Variants in SNRK observed in about 807,000 individuals in gnomAD.
SNRK encodes the protein SNF related kinase.
A neutral mutation model predicts 48.2 loss-of-function variants in SNRK; 3 were observed. The ratio of observed to expected loss-of-function variants is 0.06; its 90% CI spans 0.03 to 0.16. SNRK has a LOEUF of 0.16. Among genes scored for constraint, SNRK ranks in the 10% least tolerant of loss-of-function variants. SNRK has a pLI of 1.00. For synonymous variants in SNRK, 376 were observed against 366.1 expected (o/e 1.03, Z -0.31); for missense variants, 627 against 976.0 (o/e 0.64, Z 4.76).
chr3:43,333,020 A>G (rs2091158454), intron 4 of SNRK: 2 of 152,142 alleles, frequency 1.3e-5, no homozygotes, highest in African/African-American at 4.8e-5. Context: ...CTGTAGAAAC[A>G]GAGTTTTGAG....
chr3:43,299,136 G>T (rs907405208), intron 1 of SNRK, among the ~76,000 whole-genome samples: 1 of 152,122 alleles, frequency 6.6e-6, no homozygotes, highest in Non-Finnish European at 1.5e-5. Context: ...TTCGGGGCCT[G>T]TTGCAAGAGG....
intron 3 of SNRK, among the ~76,000 whole-genome samples, chr3:43,323,419 A>G (rs2091070590): frequency 6.6e-6 from 1 of 152,250 alleles, no homozygotes; most frequent in Non-Finnish European, 1.5e-5. Flanking sequence ...AACCACACCT[A>G]TTAGAATAGC....
intron 5 of SNRK, among the ~76,000 whole-genome samples, chr3:43,341,268 A>C (rs2091234431): frequency 6.6e-6 from 1 of 151,740 alleles, no homozygotes; most frequent in Admixed American, 6.6e-5. Context: ...CTCCTGCCTC[A>C]GCCTCCCAAG....
chr3:43,293,414 G>A (rs2090828647), intron 1 of SNRK, among the ~76,000 whole-genome samples: 1 of 152,156 alleles, frequency 6.6e-6, no homozygotes, highest in African/African-American at 2.4e-5. Context: ...TAATGGAAAA[G>A]TAAATGGAAT....
chr3:43,311,345 C>T (rs1319175126), intron 3 of SNRK, among the ~76,000 whole-genome samples: 2 of 152,140 alleles, frequency 1.3e-5, no homozygotes, highest in East Asian at 3.9e-4. Context: ...ACAGAAGCTC[C>T]CCCAGCTGGG....
At position 43,335,688 on chromosome 3, in the gene SNRK, GT is replaced by G. The variant is rs1408069153; in HGVS notation, c.731+3386del. Among the ~76,000 whole-genome samples the G allele has an allele frequency of 3.3e-5, 5 of 151,702 alleles. No individual in the cohort carries two copies. In the East Asian group the frequency reaches 5.8e-4, roughly 18 times the overall value. ...ATTCTTCCACTGTGATGGTGGATTT[GT>G]TTTTTTTCTTGGAGCTCTGTCAGTT... On this transcript the variant is annotated intron_variant, in intron 4 of 6. Transcript: ENST00000296088.
chr3:43,323,889 A>C (rs141103181), intron 3 of SNRK, among the ~76,000 whole-genome samples: 1 of 152,304 alleles, frequency 6.6e-6, no homozygotes, highest in Non-Finnish European at 1.5e-5. Flanking sequence ...AAAACTTGCA[A>C]GGACACACAA....
At chr3:43,290,744 T>C (rs2090805398) in intron 1 of SNRK, among the ~76,000 whole-genome samples, 1 of 152,248 alleles carries the variant, frequency 6.6e-6, no homozygotes, top group Non-Finnish European at 1.5e-5. Flanking sequence ...AGGATTTTTC[T>C]TGAGCTCTTG....
rs1160157169 is a variant in SNRK, at chr3:43,351,015, T to C, written c.*2458T>C. On this transcript the variant is annotated 3_prime_UTR_variant, in exon 7 of 7. Transcript: ENST00000296088. ...TGTGTGTTAAGAGGGTACAGAATTA[T>C]CAACTGATTTGGTCAGTTGCTTCCA... is the stretch of plus-strand genomic sequence containing the variant. 3 of 152,660 alleles carry C rather than the reference T, an allele frequency of 2.0e-5. No homozygotes were observed. Among genetic ancestry groups the C allele is most frequent in the Non-Finnish European group, 4.4e-5 (3 of 68,042 alleles). The allele number at this position is 152,660 out of a possible 1,614,324, so 9.5% of individuals were successfully genotyped here.
chr3:43,297,312 C>G (rs2090863459), intron 1 of SNRK, among the ~76,000 whole-genome samples: 1 of 152,116 alleles, frequency 6.6e-6, no homozygotes, highest in African/African-American at 2.4e-5. Flanking sequence ...TTTTTACTTT[C>G]TTCTTTGTGC....
chr3:43,308,473 A>G lies in SNRK; in HGVS notation c.589+4681A>G, dbSNP rs558294345. Among the ~76,000 whole-genome samples the G allele has an allele frequency of 1.1e-3, 175 of 152,344 alleles. 1 individual carries two copies. Among genetic ancestry groups the G allele is most frequent in the African/African-American group, 3.6e-3 (151 of 41,572 alleles). On this transcript the variant is annotated intron_variant, in intron 3 of 6. Coordinates refer to ENST00000296088, the MANE Select transcript of SNRK (RefSeq NM_017719.5). Reference sequence around the variant, plus strand: ...CAGCTGGCCACTTAAAGTTGAAGCCATGCTCATTGACCATTCAGAAAATCC... The same window carrying G: ...CAGCTGGCCACTTAAAGTTGAAGCCGTGCTCATTGACCATTCAGAAAATCC...
intron 3 of SNRK, among the ~76,000 whole-genome samples, chr3:43,320,729 T>C (rs1174446295): frequency 6.6e-6 from 1 of 152,092 alleles, no homozygotes; most frequent in Non-Finnish European, 1.5e-5. Context: ...CAAAAAAGCC[T>C]GTTTATTAGT....
In SNRK at chr3:43,348,347, G is replaced by A. The variant is rs2091295735; in HGVS notation, c.2088G>A (p.Gly696=). Residue 696 remains glycine, a synonymous_variant, in exon 7 of 7, where the codon GGG becomes GGA. Transcript: ENST00000296088. ...KMCISSTGNA[G]QVPAVGGIKF... Reference sequence around the variant, plus strand: ...GCATTAGCTCCACAGGGAATGCAGGGCAGGTCCCTGCAGTGGGCGGCATAA... The same window carrying A: ...GCATTAGCTCCACAGGGAATGCAGGACAGGTCCCTGCAGTGGGCGGCATAA... The A allele has an allele frequency of 6.2e-7, 1 of 1,608,932 alleles. No homozygotes were observed. The highest frequency in any genetic ancestry group is 8.5e-7 in the Non-Finnish European group (1 of 1,177,776).
intron 3 of SNRK, among the ~76,000 whole-genome samples, chr3:43,327,026 C>G (rs1032899349): frequency 6.6e-6 from 1 of 152,174 alleles, no homozygotes; most frequent in Non-Finnish European, 1.5e-5. Context: ...CTGCTTCTTT[C>G]GTATGCTGTT....
intron 3 of SNRK, among the ~76,000 whole-genome samples, chr3:43,312,535 A>G (rs1447251225): frequency 6.6e-6 from 1 of 152,224 alleles, no homozygotes; most frequent in African/African-American, 2.4e-5. Flanking sequence ...ATAACATCCT[A>G]CTTAATGGTG....
rs535269840 is a variant in SNRK at position 43,314,788 on chromosome 3, T to C, written c.589+10996T>C. Among the ~76,000 whole-genome samples the C allele has an allele frequency of 3.9e-5, 6 of 152,246 alleles. No homozygotes were observed. In the South Asian group the frequency reaches 1.2e-3, roughly 32 times the overall value. On this transcript the variant is annotated intron_variant, in intron 3 of 6. Transcript: ENST00000296088. ...AGTCAGGCCTCGTAGTGTGTGCCTATAGCCCCAGCTACTCAAAAGGCTGAG... is the reference window on the plus strand; with the variant it reads ...AGTCAGGCCTCGTAGTGTGTGCCTACAGCCCCAGCTACTCAAAAGGCTGAG...
Position 43,348,525 on chromosome 3 carries a change from T to A in SNRK, c.2266T>A (p.Ser756Thr), listed in dbSNP as rs139836206. ...RNPKEGLLCASSPASCCHVI is the reference protein window; with the variant it reads ...RNPKEGLLCATSPASCCHVI ...CCCTAAGGAGGGGCTGCTGTGCGCA[T>A]CCAGCCCAGCCAGCTGTTGCCATGT... The change falls in exon 7 of 7, where the codon TCC (serine) becomes ACC (threonine). Residue 756 changes from serine to threonine, a missense_variant. This residue lies in a region of SNRK where 207 missense variants were observed against 234.3 expected (regional missense o/e 0.88). Transcript: ENST00000296088. 4 of 1,549,294 alleles carry A rather than the reference T, an allele frequency of 2.6e-6. No homozygotes were observed. In the African/African-American group the frequency reaches 5.5e-5, roughly 21 times the overall value.
chr3:43,291,739 A>G (rs2125611658), intron 1 of SNRK, among the ~76,000 whole-genome samples: 1 of 152,294 alleles, frequency 6.6e-6, no homozygotes, highest in Middle Eastern at 3.4e-3. Context: ...CACTCTGCAT[A>G]TGTGCTTAAT....
At chr3:43,293,067 A>G (rs938787699) in intron 1 of SNRK, among the ~76,000 whole-genome samples, 2 of 152,180 alleles carry the variant, frequency 1.3e-5, no homozygotes, top group African/African-American at 4.8e-5. Flanking sequence ...TGTTTCTGTT[A>G]TTCAGACTGA....
Sources: gnomAD v4.1 joint callset for allele counts (sites outside exome capture counted in the v4.1 genomes callset) on GRCh38, gnomAD v4.1.1 for gene constraint, gnomAD v4.1.1 regional missense constraint, MANE v1.5 for transcripts, NCBI Gene and HGNC (gene_info 2026-07-23, HGNC 2026-07-21) for gene names.